GPC5: variants seen among roughly 807,000 people sequenced by gnomAD.
The protein encoded by GPC5 is glypican 5, also known as glypican-5.
Under a neutral mutation model 53.9 loss-of-function variants are expected in GPC5, and 47 were observed. The ratio of observed to expected loss-of-function variants is 0.87; its 90% CI spans 0.69 to 1.11. GPC5 has a LOEUF of 1.11. Among genes scored for constraint, GPC5 ranks in the 50% most tolerant of loss-of-function variants. GPC5 has a pLI of 0.00. For missense variants in GPC5, 748 were observed against 713.1 expected (o/e 1.05, Z -0.56); for synonymous variants, 286 against 263.3 (o/e 1.09, Z -0.84).
chr13:91,437,394 A>G (rs2139051039), intron 1 of GPC5, among the ~76,000 whole-genome samples: 2 of 152,230 alleles, frequency 1.3e-5, no homozygotes, highest in African/African-American at 4.8e-5. Context: ...TGGTGACAAA[A>G]TCTCTTAGCA....
chr13:92,626,464 T>C (rs893397007), intron 7 of GPC5, among the ~76,000 whole-genome samples: 6 of 152,116 alleles, frequency 3.9e-5, no homozygotes, highest in African/African-American at 1.4e-4. Context: ...AATATGAGCA[T>C]TGGCATGTGT....
intron 7 of GPC5, among the ~76,000 whole-genome samples, chr13:92,855,464 T>A (rs931977036): frequency 6.6e-6 from 1 of 152,036 alleles, no homozygotes; most frequent in African/African-American, 2.4e-5. Flanking sequence ...AACTCCCTAA[T>A]ATAACCATTG....
At chr13:91,857,229 G>T (rs1320935336) in intron 5 of GPC5, among the ~76,000 whole-genome samples, 2 of 151,044 alleles carry the variant, frequency 1.3e-5, no homozygotes, top group Non-Finnish European at 3.0e-5. Context: ...TATAAGTCCT[G>T]TGCATTTCTA....
intron 2 of GPC5, among the ~76,000 whole-genome samples, chr13:91,537,181 C>T (rs190557355): frequency 3.9e-4 from 59 of 151,382 alleles, no homozygotes; most frequent in Middle Eastern, 3.4e-3. Context: ...GAAGAAAAGA[C>T]GTAATAAATG....
intron 6 of GPC5, among the ~76,000 whole-genome samples, chr13:91,957,285 A>G (rs1282861536): frequency 6.6e-6 from 1 of 152,198 alleles, no homozygotes; most frequent in Non-Finnish European, 1.5e-5. Flanking sequence ...AAGATTTTGT[A>G]AAAACGTTTT....
At chr13:92,794,078 C>CA in intron 7 of GPC5, among the ~76,000 whole-genome samples, 1 of 151,940 alleles carries the variant, frequency 6.6e-6, no homozygotes, top group Non-Finnish European at 1.5e-5. Flanking sequence ...AGACACACAA[C>CA]AAAAAAAGAG....
At chr13:92,273,367 A>G (rs1333757860) in intron 7 of GPC5, among the ~76,000 whole-genome samples, 1 of 152,092 alleles carries the variant, frequency 6.6e-6, no homozygotes, top group Non-Finnish European at 1.5e-5. Flanking sequence ...CTCCATACTC[A>G]TTAGCTATGG....
chr13:92,105,106 TC>T (rs1049001417), intron 6 of GPC5, among the ~76,000 whole-genome samples: 2 of 151,948 alleles, frequency 1.3e-5, no homozygotes, highest in African/African-American at 2.4e-5. Flanking sequence ...ATTTTTTTTT[TC>T]CTGCAAGGAA....
intron 7 of GPC5, among the ~76,000 whole-genome samples, chr13:92,152,162 A>G (rs1263749540): frequency 6.6e-6 from 1 of 152,218 alleles, no homozygotes; most frequent in Non-Finnish European, 1.5e-5. Context: ...TGGAGTTTGT[A>G]TTTAATTTGC....
chr13:92,514,196 T>C (rs916065884), intron 7 of GPC5, among the ~76,000 whole-genome samples: 6 of 132,084 alleles, frequency 4.5e-5, no homozygotes, highest in African/African-American at 1.7e-4. Context: ...CCTGTCAGTG[T>C]CTGCTCCAAT....
At chr13:91,905,857 C>T (rs1192918266) in intron 5 of GPC5, among the ~76,000 whole-genome samples, 2 of 152,038 alleles carry the variant, frequency 1.3e-5, no homozygotes, top group African/African-American at 4.8e-5. Context: ...AAACAAATTA[C>T]TCAGATGATA....
intron 2 of GPC5, among the ~76,000 whole-genome samples, chr13:91,629,558 G>A (rs2034102345): frequency 6.6e-6 from 1 of 152,118 alleles, no homozygotes; most frequent in Non-Finnish European, 1.5e-5. Context: ...CAGGAGAATC[G>A]CTTGAACCCA....
At chr13:92,055,185 C>A (rs1489265426) in intron 6 of GPC5, among the ~76,000 whole-genome samples, 2 of 152,102 alleles carry the variant, frequency 1.3e-5, no homozygotes, top group East Asian at 3.9e-4. Context: ...AAAATAGATT[C>A]CAAACTGGTG....
intron 6 of GPC5, among the ~76,000 whole-genome samples, chr13:92,087,553 G>A (rs536226965): frequency 2.0e-5 from 3 of 152,226 alleles, no homozygotes; most frequent in African/African-American, 7.2e-5. Context: ...TCTCTTTAAT[G>A]AAAATAAGGA....
intron 7 of GPC5, among the ~76,000 whole-genome samples, chr13:92,416,695 A>G (rs1358716179): frequency 6.6e-6 from 1 of 152,194 alleles, no homozygotes; most frequent in Admixed American, 6.5e-5. Context: ...CAAAAGCACA[A>G]GTTCCAAAAT....
chr13:92,309,352 G>C (rs1845272899), intron 7 of GPC5, among the ~76,000 whole-genome samples: 1 of 152,032 alleles, frequency 6.6e-6, no homozygotes, highest in African/African-American at 2.4e-5. Context: ...CATCTGACTA[G>C]AGGTAGACAT....
chr13:92,007,371 C>T (rs556609419), intron 6 of GPC5, among the ~76,000 whole-genome samples: 10 of 152,238 alleles, frequency 6.6e-5, no homozygotes, highest in Middle Eastern at 3.4e-3. Flanking sequence ...TTCATTCCAT[C>T]AGTTTTTGTT....
intron 2 of GPC5, among the ~76,000 whole-genome samples, chr13:91,513,354 T>G (rs1885333287): frequency 1.3e-5 from 2 of 149,468 alleles, no homozygotes; most frequent in African/African-American, 4.9e-5. Flanking sequence ...TTGTTTTCAT[T>G]TGTGTGTGTG....
intron 7 of GPC5, among the ~76,000 whole-genome samples, chr13:92,758,675 AT>A (rs1445368373): frequency 3.9e-5 from 6 of 152,106 alleles, no homozygotes; most frequent in Non-Finnish European, 8.8e-5. Flanking sequence ...ACTCCTTAAA[AT>A]AATCCCATTT....
Sources: allele counts gnomAD v4.1 joint callset (sites outside exome capture counted in the v4.1 genomes callset), GRCh38; gene constraint gnomAD v4.1.1; transcripts MANE v1.5; gene names NCBI Gene and HGNC (gene_info 2026-07-23, HGNC 2026-07-21).